Variants in DYSF observed in about 807,000 individuals in gnomAD.
The protein encoded by DYSF is dystrophy-associated fer-1-like 1.
DYSF carries 212 observed loss-of-function variants against 274.9 expected under a neutral mutation model. That is an observed-to-expected ratio of 0.77 (90% CI 0.69 to 0.86). The LOEUF (loss-of-function observed/expected upper bound fraction) is 0.86. DYSF is among the 40% of genes least tolerant of loss of function. The pLI is 0.00. For synonymous variants in DYSF, 1,091 were observed against 1,078.7 expected, an observed-to-expected ratio of 1.01 and a Z score of -0.22; for missense variants, 2,666 against 2,783.2, an observed-to-expected ratio of 0.96 and a Z score of 0.95.
chr2:71,569,443 A>G (rs2092301735), intron 26 of DYSF, among the ~76,000 whole-genome samples: 1 of 151,818 alleles, frequency 6.6e-6, no homozygotes, highest in South Asian at 2.1e-4. Context: ...ACTTTTTTTT[A>G]CTTAAAAAAA....
chr2:71,641,929 G>A (rs1442873359), intron 41 of DYSF, among the ~76,000 whole-genome samples: 1 of 151,886 alleles, frequency 6.6e-6, no homozygotes, highest in Non-Finnish European at 1.5e-5. Flanking sequence ...TTTTCTAAGT[G>A]CTCCAAAGAT....
rs1488052221 is a variant in DYSF at position 71,607,219 on chromosome 2, G to T, written c.3958-4026G>T. Among the ~76,000 whole-genome samples the T allele has an allele frequency of 3.9e-5, 6 of 152,170 alleles. No individual in the cohort carries two copies. The South Asian group carries it at 8.3e-4, about 21-fold the overall frequency. On this transcript the variant is annotated intron_variant, in intron 36 of 55. Transcript: ENST00000410020. ...GAATAGGAAGTACAGGAGGAGTAGG[G>T]GTAGAAGTGCATTTCAGACAGAGGG...
At chr2:71,682,115 A>G (rs996384724) in intron 54 of DYSF, among the ~76,000 whole-genome samples, 1 of 151,710 alleles carries the variant, frequency 6.6e-6, no homozygotes, top group African/African-American at 2.4e-5. Flanking sequence ...TGGACTAGCC[A>G]TGTGCATCTG....
rs189269848 is a variant in DYSF, at chr2:71,582,047, C to T, written c.3403-7546C>T. Among the ~76,000 whole-genome samples, 508 of 121,282 alleles carry T rather than the reference C, an allele frequency of 4.2e-3. 2 individuals are homozygous for T. The highest frequency in any genetic ancestry group is 5.0e-3 in the Non-Finnish European group (313 of 62,776). The allele number at this position is 121,282 out of a possible 152,430, so 79.6% of individuals were successfully genotyped here. A position where few individuals can be genotyped will look rare whatever the true frequency, so the allele number is the denominator to read the frequency against. On this transcript the variant is annotated intron_variant, in intron 30 of 55. Coordinates refer to ENST00000410020, the MANE Select transcript of DYSF (RefSeq NM_001130987.2). ...GCTTGAACCTGGGAGGCAGAGGTTG[C>T]GGTGAACTGTGATCGTGCCATTGCA... is the stretch of plus-strand genomic sequence containing the variant.
chr2:71,562,111 A>C (rs2091816416), intron 23 of DYSF, among the ~76,000 whole-genome samples, 167 bp downstream of exon 23: 2 of 152,166 alleles, frequency 1.3e-5, no homozygotes, highest in South Asian at 4.1e-4. Context: ...ACCAATTTGC[A>C]GAAGGAAGAG....
At chr2:71,530,664 G>A (rs539524892) in intron 14 of DYSF, among the ~76,000 whole-genome samples, 170 of 152,212 alleles carry the variant, frequency 1.1e-3, no homozygotes, top group Middle Eastern at 3.4e-3. Context: ...GGAATGCTCC[G>A]TCTTGAAAGT....
upstream of DYSF, among the ~76,000 whole-genome samples, chr2:71,463,773 G>T (rs1416885468): frequency 1.3e-5 from 2 of 152,204 alleles, no homozygotes; most frequent in African/African-American, 4.8e-5. Flanking sequence ...TCTTTCCAGG[G>T]GAACAACTTA....
intron 40 of DYSF, among the ~76,000 whole-genome samples, chr2:71,620,252 C>T (rs2094062382): frequency 6.6e-6 from 1 of 152,188 alleles, no homozygotes; most frequent in South Asian, 2.1e-4. Context: ...ACGTGCCTTG[C>T]CTTGTGCTGG....
At chr2:71,614,245 T>C (rs1238384891) in intron 40 of DYSF, among the ~76,000 whole-genome samples, 1 of 152,190 alleles carries the variant, frequency 6.6e-6, no homozygotes, top group Non-Finnish European at 1.5e-5. Flanking sequence ...CCCTCCTCTC[T>C]GGGCTTTGCA....
chr2:71,596,602 C>T (rs932335381), intron 32 of DYSF, among the ~76,000 whole-genome samples: 29 of 152,114 alleles, frequency 1.9e-4, no homozygotes, highest in African/African-American at 5.6e-4. Context: ...GGCTCAGGGC[C>T]GGCCCTGCCA....
chr2:71,651,303 A>T (rs1461825080), intron 42 of DYSF, among the ~76,000 whole-genome samples: 1 of 152,208 alleles, frequency 6.6e-6, no homozygotes, highest in Non-Finnish European at 1.5e-5. Context: ...CAGCTAGTCT[A>T]CTTTAGAGAA....
At chr2:71,565,381 C>A (rs988601739) in intron 24 of DYSF, among the ~76,000 whole-genome samples, 6 of 152,036 alleles carry the variant, frequency 3.9e-5, no homozygotes, top group African/African-American at 1.4e-4. Context: ...TGAGCCACCG[C>A]GCCAGCCCTC....
At chr2:71,634,686 G>T (rs1249680272) in intron 41 of DYSF, among the ~76,000 whole-genome samples, 1 of 152,102 alleles carries the variant, frequency 6.6e-6, no homozygotes, top group Non-Finnish European at 1.5e-5. Context: ...CAACATTTTA[G>T]GTTTAAACTT....
intron 41 of DYSF, among the ~76,000 whole-genome samples, chr2:71,629,058 A>G (rs1186115398): frequency 6.6e-6 from 1 of 152,216 alleles, no homozygotes; most frequent in Admixed American, 6.5e-5. Flanking sequence ...CAAATGTTAC[A>G]GATTCCATTC....
intron 35 of DYSF, among the ~76,000 whole-genome samples, 163 bp downstream of exon 35, chr2:71,601,691 A>G (rs1380449629): frequency 6.6e-6 from 1 of 152,182 alleles, no homozygotes; most frequent in Non-Finnish European, 1.5e-5. Flanking sequence ...GAGGGAGCTC[A>G]AAGTCTCTGC....
At chr2:71,541,305 A>G (rs1416107661) in intron 17 of DYSF, among the ~76,000 whole-genome samples, 5 of 152,102 alleles carry the variant, frequency 3.3e-5, no homozygotes, top group Non-Finnish European at 7.4e-5. Flanking sequence ...AAACTTTTCA[A>G]TTTCTCCTGT....
chr2:71,649,409 C>T (rs566588193), intron 42 of DYSF, among the ~76,000 whole-genome samples: 1 of 152,114 alleles, frequency 6.6e-6, no homozygotes, highest in East Asian at 1.9e-4. Context: ...AAGCAAGATA[C>T]AAGCAAACAG....
At chr2:71,460,013 C>T (rs1433935698) in intron 1 of DYSF, among the ~76,000 whole-genome samples, 2 of 151,882 alleles carry the variant, frequency 1.3e-5, no homozygotes, top group African/African-American at 2.4e-5. Context: ...CCTGGGGTCC[C>T]GAGGAGCTGC....
chr2:71,537,223 GTTTTT>G (rs71402990), intron 16 of DYSF, among the ~76,000 whole-genome samples: 1,470 of 79,586 alleles, frequency 0.018, 12 homozygotes, highest in African/African-American at 0.062. Context: ...TTCTAGTTTT[GTTTTT>G]TTTTTTTTTT....
Sources: gnomAD v4.1 joint callset for allele counts (sites outside exome capture counted in the v4.1 genomes callset) on GRCh38, gnomAD v4.1.1 for gene constraint, MANE v1.5 for transcripts, NCBI Gene and HGNC (gene_info 2026-07-23, HGNC 2026-07-21) for gene names.